FGGY: variants seen among roughly 807,000 people sequenced by gnomAD.
FGGY encodes FGGY carbohydrate kinase domain containing.
Under a neutral mutation model 71.3 loss-of-function variants are expected in FGGY, and 72 were observed. The ratio of observed to expected loss-of-function variants is 1.01; its 90% CI spans 0.84 to 1.23. FGGY has a LOEUF of 1.23. FGGY is among the 50% of genes most tolerant of loss of function. The pLI, the probability that FGGY is intolerant of heterozygous loss-of-function variation, is 0.00. For missense variants in FGGY, 668 were observed against 682.3 expected, an observed-to-expected ratio of 0.98 and a Z score of 0.23; for synonymous variants, 251 against 250.3, an observed-to-expected ratio of 1.00 and a Z score of -0.02.
intron 5 of FGGY, among the ~76,000 whole-genome samples, chr1:59,440,094 CAAAAAA>C (rs140279518): frequency 2.4e-4 from 30 of 125,546 alleles, no homozygotes; most frequent in African/African-American, 8.4e-4. Flanking sequence ...TTGCAAGGTT[CAAAAAA>C]AAAAAAAAAA....
At chr1:59,497,158 C>T (rs2094061910) in intron 6 of FGGY, among the ~76,000 whole-genome samples, 1 of 152,076 alleles carries the variant, frequency 6.6e-6, no homozygotes. Context: ...AAAGAACTGC[C>T]AAAACACAGA....
At chr1:59,494,285 G>A (rs900762297) in intron 6 of FGGY, among the ~76,000 whole-genome samples, 2 of 152,200 alleles carry the variant, frequency 1.3e-5, no homozygotes, top group African/African-American at 4.8e-5. Flanking sequence ...AATGTGGGTA[G>A]GGAAGGCTTC....
chr1:59,752,333 T>C (rs2098252553), intron 14 of FGGY, among the ~76,000 whole-genome samples: 1 of 152,162 alleles, frequency 6.6e-6, no homozygotes, highest in Admixed American at 6.5e-5. Context: ...AGTGATGTGA[T>C]TTCTGCCTTC....
intron 14 of FGGY, among the ~76,000 whole-genome samples, chr1:59,714,602 A>G (rs1353764055): frequency 1.3e-5 from 2 of 152,228 alleles, no homozygotes; most frequent in Non-Finnish European, 2.9e-5. Flanking sequence ...TTGCTGTTAA[A>G]TTCACATGCA....
At chr1:59,732,976 C>A (rs918787965) in intron 14 of FGGY, among the ~76,000 whole-genome samples, 1 of 152,096 alleles carries the variant, frequency 6.6e-6, no homozygotes, top group African/African-American at 2.4e-5. Flanking sequence ...GGCTTCTGTT[C>A]ATTCGCTCTG....
At chr1:59,642,814 G>A (rs905903089) in intron 11 of FGGY, among the ~76,000 whole-genome samples, 1 of 151,890 alleles carries the variant, frequency 6.6e-6, no homozygotes, top group South Asian at 2.1e-4. Context: ...GATGGATCAC[G>A]AGGTCAGGAG....
intron 5 of FGGY, among the ~76,000 whole-genome samples, chr1:59,409,512 T>G (rs1165998610): frequency 6.6e-6 from 1 of 151,902 alleles, no homozygotes; most frequent in East Asian, 1.9e-4. Flanking sequence ...TTGTGTGCAT[T>G]GTTCTCCAAA....
intron 4 of FGGY, among the ~76,000 whole-genome samples, chr1:59,375,519 T>C (rs2058522806): frequency 6.6e-6 from 1 of 152,186 alleles, no homozygotes; most frequent in Non-Finnish European, 1.5e-5. Flanking sequence ...TTCTAGTTGC[T>C]CATCCCACAA....
chr1:59,650,039 A>G (rs551515103), intron 11 of FGGY, among the ~76,000 whole-genome samples: 2 of 148,544 alleles, frequency 1.3e-5, no homozygotes, highest in African/African-American at 2.6e-5. Flanking sequence ...CTCTGTTTAT[A>G]TGCTGGATTA....
Position 59,426,902 on chromosome 1 carries a change from C to T in FGGY, c.555-30059C>T, listed in dbSNP as rs146640061. On this transcript the variant is annotated intron_variant, in intron 5 of 15. Coordinates refer to ENST00000303721, the MANE Select transcript of FGGY (RefSeq NM_018291.5). ...GTTGCCTGCAATTCTGTCAGCCAGT[C>T]CAGGCAATGCTAATACAGCTTTGAT... 7.6e-4 allele frequency among the ~76,000 whole-genome samples: 115 copies of T among 151,354 alleles called. 2 individuals are homozygous for T. The highest frequency in any genetic ancestry group is 2.7e-3 in the African/African-American group (110 of 41,358).
At chr1:59,487,361 T>C (rs562151737) in intron 6 of FGGY, among the ~76,000 whole-genome samples, 25 of 152,192 alleles carry the variant, frequency 1.6e-4, no homozygotes, top group Non-Finnish European at 1.5e-5. Context: ...ATAACACTTA[T>C]CACATTTGAA....
At position 59,380,501 on chromosome 1, in the gene FGGY, G is replaced by A. The variant is rs1468099202; in HGVS notation, c.554+1664G>A. ...AAGATCGCCATCCTAACTGGTGTGA[G>A]ATGATATCTCATTGTGGTTTTGATT... is the stretch of plus-strand genomic sequence containing the variant. On this transcript the variant is annotated intron_variant, in intron 5 of 15. Transcript: ENST00000303721. Among the ~76,000 whole-genome samples, 2 of 151,594 alleles carry A rather than the reference G, an allele frequency of 1.3e-5. 1 individual carries two copies. Among genetic ancestry groups the A allele is most frequent in the African/African-American group, 4.9e-5 (2 of 40,852 alleles).
intron 6 of FGGY, among the ~76,000 whole-genome samples, chr1:59,483,350 C>G (rs2093558039): frequency 6.6e-6 from 1 of 152,124 alleles, no homozygotes; most frequent in South Asian, 2.1e-4. Flanking sequence ...GTGCTACATA[C>G]TGGAGATAGC....
chr1:59,443,217 A>G (rs1044902957), intron 5 of FGGY, among the ~76,000 whole-genome samples: 1 of 152,208 alleles, frequency 6.6e-6, no homozygotes, highest in African/African-American at 2.4e-5. Context: ...GCTTATTTAT[A>G]TTGAAGAATA....
At chr1:59,633,423 T>G (rs1318121464) in intron 10 of FGGY, among the ~76,000 whole-genome samples, 1 of 152,218 alleles carries the variant, frequency 6.6e-6, no homozygotes, top group Non-Finnish European at 1.5e-5. Flanking sequence ...ATAAATCCTC[T>G]TATTTTCTAC....
intron 3 of FGGY, 75 bp from the exon 4 acceptor site, chr1:59,346,172 G>A (rs2051843405): frequency 1.3e-6 from 2 of 1,555,656 alleles, no homozygotes; most frequent in Non-Finnish European, 1.8e-6. Context: ...TTGATCTTGG[G>A]AATCCATAAT....
chr1:59,569,672 T>C (rs955157045), intron 8 of FGGY, among the ~76,000 whole-genome samples: 4 of 152,204 alleles, frequency 2.6e-5, no homozygotes, highest in African/African-American at 9.6e-5. Flanking sequence ...GCTCTATTAT[T>C]TTCTTGTTTA....
chr1:59,356,674 A>G (rs75852471), intron 4 of FGGY, among the ~76,000 whole-genome samples: 3,718 of 152,264 alleles, frequency 0.024, 174 homozygotes, highest in African/African-American at 0.086. Flanking sequence ...GGCTAGGTGC[A>G]TTTGTCCAAT....
At position 59,414,345 on chromosome 1, in the gene FGGY, G is replaced by T. The variant is rs1000199971; in HGVS notation, c.554+35508G>T. Among the ~76,000 whole-genome samples the T allele has an allele frequency of 1.3e-5, 2 of 152,192 alleles. 1 individual carries two copies. Among genetic ancestry groups the T allele is most frequent in the African/African-American group, 4.8e-5 (2 of 41,444 alleles). ...ATCCAGGTTCTTGTTACCTGGAAAT[G>T]TGTGTTCATTTGGGGTATCTAGATG... On this transcript the variant is annotated intron_variant, in intron 5 of 15. Transcript: ENST00000303721.
Sources: gnomAD v4.1 joint callset for allele counts (sites outside exome capture counted in the v4.1 genomes callset) on GRCh38, gnomAD v4.1.1 for gene constraint, MANE v1.5 for transcripts, NCBI Gene and HGNC (gene_info 2026-07-23, HGNC 2026-07-21) for gene names.